The following MAPRE2 variants were observed in gnomAD, a reference collection of about 807,000 sequenced individuals.
The protein encoded by MAPRE2 is microtubule associated protein RP/EB family member 2.
In MAPRE2, 13 loss-of-function variants were observed where a neutral mutation model predicts 43.2. The ratio of observed to expected loss-of-function variants is 0.30; its 90% CI spans 0.20 to 0.48. The LOEUF (loss-of-function observed/expected upper bound fraction) is 0.48, where lower values mean the gene tolerates loss of function less well. MAPRE2 is among the 20% of genes least tolerant of loss of function. The probability of loss-of-function intolerance (pLI) is 0.99; values close to 1 mark genes in which losing one functional copy is unlikely to be tolerated. For missense variants in MAPRE2, 161 were observed against 400.2 expected, an observed-to-expected ratio of 0.40 and a Z score of 5.10; for synonymous variants, 135 against 148.8, an observed-to-expected ratio of 0.91 and a Z score of 0.68.
intron 1 of MAPRE2, among the ~76,000 whole-genome samples, chr18:34,981,560 T>C (rs2097016224): frequency 6.6e-6 from 1 of 152,188 alleles, no homozygotes; most frequent in African/African-American, 2.4e-5. Flanking sequence ...CCACCCAGTC[T>C]TATTACCTTA....
chr18:35,003,616 T>G (rs12964519), intron 1 of MAPRE2, among the ~76,000 whole-genome samples: 95,476 of 152,076 alleles, frequency 0.63, 30,619 homozygotes, highest in East Asian at 0.7. Context: ...CAGACAATTC[T>G]GAATTTTCTA....
Position 34,985,391 on chromosome 18 carries a change from T to TAAA in MAPRE2, c.-70+8313_-70+8314insAAA, listed in dbSNP as rs1364628464. On this transcript the variant is annotated intron_variant, in intron 1 of 7. Transcript: ENST00000413393. ...TATATAATATATTATTTTATATATA[T>TAAA]ATAATATATAATATATTATAAATAT... Among the ~76,000 whole-genome samples, 339 of 48,660 alleles carry TAAA rather than the reference T, an allele frequency of 7.0e-3. 41 individuals carry two copies. Among genetic ancestry groups the TAAA allele is most frequent in the African/African-American group, 0.028 (327 of 11,664 alleles). The allele number at this position is 48,660 out of a possible 152,430, so 31.9% of individuals were successfully genotyped here. A position where few individuals can be genotyped will look rare whatever the true frequency, so the allele number is the denominator to read the frequency against.
intron 1 of MAPRE2, among the ~76,000 whole-genome samples, chr18:34,989,310 C>T (rs1171125250): frequency 3.3e-5 from 5 of 152,136 alleles, no homozygotes; most frequent in African/African-American, 1.2e-4. Context: ...AGCTTAATGT[C>T]TCTAGCTTTG....
At chr18:35,118,783 C>T (rs1303750274) in intron 4 of MAPRE2, among the ~76,000 whole-genome samples, 1 of 152,178 alleles carries the variant, frequency 6.6e-6, no homozygotes, top group African/African-American at 2.4e-5. Flanking sequence ...TGTCTACCTA[C>T]AGTATCCCAT....
chr18:35,070,063 T>G (rs569173016), intron 1 of MAPRE2, 132 bp from the exon 2 acceptor site: 1 of 543,612 alleles, frequency 1.8e-6, no homozygotes, highest in Admixed American at 3.6e-5. Context: ...TAGAAAAAGA[T>G]GCTAAAGGGC....
At chr18:35,120,982 ATG>A (rs1387554252) in intron 4 of MAPRE2, among the ~76,000 whole-genome samples, 3 of 152,190 alleles carry the variant, frequency 2.0e-5, no homozygotes, top group Non-Finnish European at 2.9e-5. Flanking sequence ...GGCCGCCTGC[ATG>A]TGTGTGTGCA....
At chr18:35,000,093 T>C (rs2097028562) in intron 1 of MAPRE2, among the ~76,000 whole-genome samples, 2 of 152,160 alleles carry the variant, frequency 1.3e-5, no homozygotes, top group Admixed American at 6.5e-5. Context: ...AAGAATGTGA[T>C]CTACAACTGA....
chr18:35,044,617 T>G (rs1295049620), intron 1 of MAPRE2, among the ~76,000 whole-genome samples: 2 of 152,218 alleles, frequency 1.3e-5, no homozygotes, highest in African/African-American at 4.8e-5. Context: ...AAACTCCATA[T>G]TTAAACCAAG....
chr18:35,095,396 A>ACACACACG (rs1555917962), intron 2 of MAPRE2, among the ~76,000 whole-genome samples: 12 of 148,516 alleles, frequency 8.1e-5, no homozygotes, highest in Non-Finnish European at 1.6e-4. Flanking sequence ...ACACACACAC[A>ACACACACG]CACACGCACA....
intron 1 of MAPRE2, among the ~76,000 whole-genome samples, chr18:35,069,226 A>G (rs75063167): frequency 0.042 from 6,432 of 152,314 alleles, 312 homozygotes; most frequent in East Asian, 0.22. Flanking sequence ...AAGAAACTTT[A>G]TAAAGAAATT....
At chr18:34,984,927 T>A (rs538081614) in intron 1 of MAPRE2, among the ~76,000 whole-genome samples, 7 of 6,676 alleles carry the variant, frequency 1.0e-3, no homozygotes, top group Admixed American at 2.8e-3. Context: ...ATAATATATT[T>A]TATGTTATAT....
At chr18:35,140,230 C>T (rs960423495) in intron 6 of MAPRE2, 65 bp from the exon 7 acceptor site, 6 of 1,440,202 alleles carry the variant, frequency 4.2e-6, no homozygotes, top group Non-Finnish European at 5.8e-6. Context: ...TGGCAATGGG[C>T]TGGGATGCTG....
chr18:35,027,787 G>A (rs995680802), intron 2 of MAPRE2, among the ~76,000 whole-genome samples: 6 of 152,180 alleles, frequency 3.9e-5, no homozygotes, highest in African/African-American at 1.4e-4. Context: ...GTTCAGGAAG[G>A]TCTTGGTTAG....
intron 1 of MAPRE2, among the ~76,000 whole-genome samples, chr18:34,998,992 A>G (rs2097028006): frequency 6.6e-6 from 1 of 152,042 alleles, no homozygotes; most frequent in African/African-American, 2.4e-5. Context: ...CCTTCTTTGC[A>G]TGGTCAAAGG....
intron 2 of MAPRE2, among the ~76,000 whole-genome samples, chr18:35,075,859 T>G (rs1034180491): frequency 1.3e-5 from 2 of 152,214 alleles, no homozygotes; most frequent in African/African-American, 4.8e-5. Context: ...ACTAATGCAC[T>G]GGTTGAAAGG....
chr18:35,004,735 G>T (rs1335792693), intron 1 of MAPRE2, among the ~76,000 whole-genome samples: 1 of 152,152 alleles, frequency 6.6e-6, no homozygotes, highest in African/African-American at 2.4e-5. Flanking sequence ...GGCTAACACG[G>T]TGAAACACCG....
intron 1 of MAPRE2, among the ~76,000 whole-genome samples, chr18:35,068,354 C>T (rs1906937178): frequency 6.6e-6 from 1 of 152,118 alleles, no homozygotes; most frequent in African/African-American, 2.4e-5. Flanking sequence ...GGCCTTGGAA[C>T]ATCTCGTCAT....
intron 2 of MAPRE2, among the ~76,000 whole-genome samples, chr18:35,011,517 G>A (rs1301638303): frequency 6.6e-6 from 1 of 152,154 alleles, no homozygotes; most frequent in Non-Finnish European, 1.5e-5. Flanking sequence ...AAGAACTCTT[G>A]GTTGTATCAT....
intron 6 of MAPRE2, among the ~76,000 whole-genome samples, chr18:35,134,329 C>T (rs747239799): frequency 6.6e-6 from 1 of 152,202 alleles, no homozygotes; most frequent in Non-Finnish European, 1.5e-5. Flanking sequence ...GCTATTATGA[C>T]AGTAGTAATG....
Sources: allele counts gnomAD v4.1 joint callset (sites outside exome capture counted in the v4.1 genomes callset), GRCh38; gene constraint gnomAD v4.1.1; transcripts MANE v1.5; gene names NCBI Gene and HGNC (gene_info 2026-07-23, HGNC 2026-07-21).